Variants in CNOT10 observed in about 807,000 individuals in gnomAD.
CNOT10 encodes CCR4-NOT transcription complex subunit 10, also known as CCR4-NOT transcription complex, subunit 10.
In CNOT10, 30 loss-of-function variants were observed where a neutral mutation model predicts 94.6. The ratio of observed to expected loss-of-function variants is 0.32; its 90% CI spans 0.24 to 0.43. The LOEUF is 0.43. Ranked by LOEUF, CNOT10 falls within the 20% of genes least tolerant of loss-of-function variation. The probability of loss-of-function intolerance (pLI) is 1.00; values close to 1 mark genes in which losing one functional copy is unlikely to be tolerated. For missense variants in CNOT10, 759 were observed against 877.2 expected (o/e 0.87, Z 1.70); for synonymous variants, 289 against 301.6 (o/e 0.96, Z 0.43).
intron 13 of CNOT10, among the ~76,000 whole-genome samples, chr3:32,748,637 C>T (rs145190568): frequency 0.019 from 2,868 of 151,914 alleles, 53 homozygotes; most frequent in Middle Eastern, 0.071. Flanking sequence ...CTCAGCCTCC[C>T]GAGTAGCTGG....
chr3:32,727,350 T>C (rs1380906926), intron 9 of CNOT10, among the ~76,000 whole-genome samples: 1 of 151,954 alleles, frequency 6.6e-6, no homozygotes, highest in Non-Finnish European at 1.5e-5. Context: ...AGTAAAAATG[T>C]AGAAAAGTAG....
At chr3:32,692,135 G>A (rs148100661) in intron 1 of CNOT10, among the ~76,000 whole-genome samples, 18 of 152,152 alleles carry the variant, frequency 1.2e-4, no homozygotes, top group African/African-American at 4.1e-4. Flanking sequence ...GCCGAGGTGG[G>A]TGGATTGCTT....
At chr3:32,705,109 C>T (rs953430904) in intron 3 of CNOT10, 137 bp downstream of exon 3, 11 of 636,126 alleles carry the variant, frequency 1.7e-5, no homozygotes, top group African/African-American at 5.9e-5. Context: ...ATTTTATTTC[C>T]GTAAAATTAT....
chr3:32,773,521 C>A lies in CNOT10; in HGVS notation c.2145C>A (p.His715Gln). Residue 715 changes from histidine (H) to glutamine (Q), a missense_variant, in exon 19 of 19, where the codon CAC (histidine) becomes CAA (glutamine). Around this residue, in one of 3 missense-constraint regions of CNOT10, gnomAD observed 73 missense variants for 61.0 expected, o/e 1.20. Transcript: ENST00000328834. ...AGCTGCTCCCTGCAGTGAAAACACACTCTGAAGTGAGAAAGAAGCCAGTGT... is the reference window on the plus strand; with the variant it reads ...AGCTGCTCCCTGCAGTGAAAACACAATCTGAAGTGAGAAAGAAGCCAGTGT... The part of the protein sequence containing the change: ...RNQLLPAVKT[H>Q]SEVRKKPVFQ... 6.2e-7 allele frequency: 1 copy of A among 1,614,186 alleles called. No individual in the cohort carries two copies. Among genetic ancestry groups the A allele is most frequent in the Non-Finnish European group, 8.5e-7 (1 of 1,180,028 alleles).
chr3:32,718,198 T>C (rs1264495596), intron 7 of CNOT10, among the ~76,000 whole-genome samples: 1 of 151,702 alleles, frequency 6.6e-6, no homozygotes, highest in Non-Finnish European at 1.5e-5. Flanking sequence ...TGAGAACAAT[T>C]GTGGCCTAGA....
rs534161508 is a variant in CNOT10 at position 32,713,188 on chromosome 3, A to G, written c.431-39A>G. 2.6e-6 allele frequency: 4 copies of G among 1,524,008 alleles called. No individual in the cohort carries two copies. The South Asian group carries it at 3.9e-5, about 15-fold the overall frequency. The allele number at this position is 1,524,008 out of a possible 1,614,324, so 94.4% of individuals were successfully genotyped here. ...TGGTCTGAAATGTGTGCTTTACTTT[A>G]GGTTGTGACTATTCTTTTCTGTGTT... On this transcript the variant is annotated intron_variant, in intron 4 of 18. Transcript: ENST00000328834.
At chr3:32,690,997 C>CT (rs35755920) in intron 1 of CNOT10, among the ~76,000 whole-genome samples, 97,366 of 128,500 alleles carry the variant, frequency 0.76, 37,705 homozygotes, top group Admixed American at 0.82. Context: ...CTAGCTATGA[C>CT]TTTTTTTTTT....
At chr3:32,753,084 AT>A (rs1406471013) in intron 13 of CNOT10, 3 of 526,928 alleles carry the variant, frequency 5.7e-6, no homozygotes, top group African/African-American at 3.9e-5. Flanking sequence ...CATTCTTGTA[AT>A]TACTGTGTTG....
Position 32,757,170 on chromosome 3 carries a change from ATTTTTTTTT to A in CNOT10, c.1596-2270_1596-2262del, listed in dbSNP as rs1173513009. ...TGTCATTCACATAGGCCCTGAACTAATTTTTTTTTTTTTTTTTTTTTTTTTTGTGACGGA... is the reference window on the plus strand; with the variant it reads ...TGTCATTCACATAGGCCCTGAACTAATTTTTTTTTTTTTTTTTGTGACGGA... On this transcript the variant is annotated intron_variant, in intron 13 of 18. Coordinates refer to ENST00000328834, the MANE Select transcript of CNOT10 (RefSeq NM_015442.3). 8.4e-4 allele frequency among the ~76,000 whole-genome samples: 66 copies of A among 78,300 alleles called. 1 individual carries two copies. The highest frequency in any genetic ancestry group is 2.2e-3 in the Admixed American group (9 of 4,176). 51.4% of individuals were successfully genotyped at this position (78,300 alleles called of 152,430 possible). A position where few individuals can be genotyped will look rare whatever the true frequency, so the allele number is the denominator to read the frequency against.
intron 10 of CNOT10, among the ~76,000 whole-genome samples, chr3:32,728,838 C>T (rs996694754): frequency 4.6e-5 from 7 of 151,934 alleles, no homozygotes; most frequent in African/African-American, 1.7e-4. Flanking sequence ...GCGGTGGTCA[C>T]GCCTGTAATC....
intron 10 of CNOT10, 91 bp downstream of exon 10, chr3:32,727,961 T>C (rs941093183): frequency 3.8e-5 from 31 of 818,764 alleles, no homozygotes; most frequent in Non-Finnish European, 5.3e-5. Context: ...CTTGGAAACA[T>C]ACATAAGACA....
intron 10 of CNOT10, among the ~76,000 whole-genome samples, chr3:32,729,543 G>A (rs1158848926): frequency 6.6e-6 from 1 of 152,118 alleles, no homozygotes; most frequent in Non-Finnish European, 1.5e-5. Context: ...AGCAGTTTCT[G>A]AGAAGTACAA....
intron 8 of CNOT10, among the ~76,000 whole-genome samples, 173 bp from the exon 9 acceptor site, chr3:32,725,277 G>A (rs1698615057): frequency 6.6e-6 from 1 of 152,084 alleles, no homozygotes; most frequent in Non-Finnish European, 1.5e-5. Flanking sequence ...ATTTTAAAAG[G>A]AGTTTTAAAA....
chr3:32,720,863 T>TCCTCCCTC, intron 8 of CNOT10, among the ~76,000 whole-genome samples: 1 of 128,874 alleles, frequency 7.8e-6, no homozygotes, highest in African/African-American at 2.9e-5. Flanking sequence ...CTTCCTCCCT[T>TCCTCCCTC]CCCTCCTTCC....
At chr3:32,763,702 A>G (rs1304223757) in intron 15 of CNOT10, among the ~76,000 whole-genome samples, 1 of 152,128 alleles carries the variant, frequency 6.6e-6, no homozygotes, top group Non-Finnish European at 1.5e-5. Context: ...ATTTTACTCA[A>G]GACTAGTGCT....
intron 8 of CNOT10, among the ~76,000 whole-genome samples, chr3:32,721,441 T>C (rs1025582538): frequency 7.2e-6 from 1 of 139,478 alleles, no homozygotes; most frequent in African/African-American, 2.6e-5. Flanking sequence ...TTTTTTTTTT[T>C]TTTTTTTTTT....
chr3:32,686,371 A>C (rs1696601742), intron 1 of CNOT10, among the ~76,000 whole-genome samples: 1 of 152,238 alleles, frequency 6.6e-6, no homozygotes, highest in African/African-American at 2.4e-5. Context: ...AGAAAAACTC[A>C]GTGTGCTGTG....
At chr3:32,724,243 C>CT (rs376534412) in intron 8 of CNOT10, among the ~76,000 whole-genome samples, 91,386 of 126,772 alleles carry the variant, frequency 0.72, 35,602 homozygotes, top group Non-Finnish European at 0.88. Flanking sequence ...TGTTCTGTTC[C>CT]TTTTTTTTTT....
At chr3:32,690,543 T>C (rs950295580) in intron 1 of CNOT10, among the ~76,000 whole-genome samples, 4 of 146,414 alleles carry the variant, frequency 2.7e-5, no homozygotes, top group Non-Finnish European at 5.9e-5. Flanking sequence ...TACTACTGTA[T>C]CCAGATAATT....
Sources: gnomAD v4.1 joint callset for allele counts (sites outside exome capture counted in the v4.1 genomes callset) on GRCh38, gnomAD v4.1.1 for gene constraint, gnomAD v4.1.1 regional missense constraint, MANE v1.5 for transcripts, NCBI Gene and HGNC (gene_info 2026-07-23, HGNC 2026-07-21) for gene names.